The following CSMD3 variants were observed in gnomAD, a reference collection of about 807,000 sequenced individuals.
The protein encoded by CSMD3 is CUB and Sushi multiple domains 3.
CSMD3 carries 177 observed loss-of-function variants against 435.2 expected under a neutral mutation model. The ratio of observed to expected loss-of-function variants is 0.41; its 90% CI spans 0.36 to 0.46. CSMD3 has a LOEUF of 0.46. Among genes scored for constraint, CSMD3 ranks in the 20% least tolerant of loss-of-function variants. The probability of loss-of-function intolerance (pLI) is 0.34; values close to 1 mark genes in which losing one functional copy is unlikely to be tolerated. For synonymous variants in CSMD3, 1,656 were observed against 1,520.5 expected (o/e 1.09, Z -2.07); for missense variants, 4,265 against 4,504.6 (o/e 0.95, Z 1.52).
chr8:112,820,780 G>A (rs1348610938), intron 12 of CSMD3, among the ~76,000 whole-genome samples: 5 of 151,854 alleles, frequency 3.3e-5, no homozygotes, highest in Non-Finnish European at 5.9e-5. Flanking sequence ...TATGCATTTA[G>A]CTATTTGTCC....
chr8:113,092,025 A>T (rs1337842235), intron 5 of CSMD3, among the ~76,000 whole-genome samples: 7 of 152,026 alleles, frequency 4.6e-5, no homozygotes, highest in Non-Finnish European at 8.8e-5. Context: ...AATAAAGATC[A>T]TACACTCTGT....
intron 4 of CSMD3, among the ~76,000 whole-genome samples, chr8:113,169,507 C>G (rs2092227714): frequency 6.6e-6 from 1 of 152,224 alleles, no homozygotes; most frequent in Admixed American, 6.5e-5. Flanking sequence ...CACAAATATA[C>G]TCAAATCATC....
intron 4 of CSMD3, among the ~76,000 whole-genome samples, chr8:113,121,043 T>C (rs1256583288): frequency 1.3e-5 from 2 of 152,138 alleles, no homozygotes; most frequent in African/African-American, 4.8e-5. Flanking sequence ...TTCAGTGATG[T>C]CCGTGGGCTC....
chr8:112,936,349 T>C (rs1173584778), intron 9 of CSMD3, among the ~76,000 whole-genome samples: 1 of 152,106 alleles, frequency 6.6e-6, no homozygotes, highest in East Asian at 1.9e-4. Context: ...AAAATCATAT[T>C]GCTTCTTCAC....
chr8:112,657,735 T>C (rs900508313), intron 17 of CSMD3, among the ~76,000 whole-genome samples: 1 of 152,186 alleles, frequency 6.6e-6, no homozygotes, highest in African/African-American at 2.4e-5. Flanking sequence ...AAAATTCTTT[T>C]CCTTGCTTTA....
At chr8:112,967,071 A>C (rs2084446423) in intron 7 of CSMD3, among the ~76,000 whole-genome samples, 1 of 151,984 alleles carries the variant, frequency 6.6e-6, no homozygotes, top group Non-Finnish European at 1.5e-5. Flanking sequence ...GAAATCTCAG[A>C]TCCAACTCCA....
intron 6 of CSMD3, among the ~76,000 whole-genome samples, chr8:112,983,270 T>C (rs192068154): frequency 4.3e-4 from 66 of 151,968 alleles, no homozygotes; most frequent in African/African-American, 1.5e-3. Context: ...CCTGAATGTA[T>C]CTCTGTTTAT....
At chr8:112,316,445 A>T (rs1822475631) in intron 47 of CSMD3, among the ~76,000 whole-genome samples, 1 of 151,828 alleles carries the variant, frequency 6.6e-6, no homozygotes, top group South Asian at 2.1e-4. Flanking sequence ...AGGCCAAAAA[A>T]AAGTAAGTAT....
At chr8:112,722,676 A>C (rs1039245520) in intron 13 of CSMD3, among the ~76,000 whole-genome samples, 1 of 152,194 alleles carries the variant, frequency 6.6e-6, no homozygotes, top group African/African-American at 2.4e-5. Context: ...AAGAATATGC[A>C]AGTATACTTT....
chr8:113,229,356 G>T lies in CSMD3; in HGVS notation c.514+49236C>A, dbSNP rs1401535132. On this transcript the variant is annotated intron_variant, in intron 3 of 70. Transcript: ENST00000297405. ...TTAATGTTCACATATATTGTGAATT[G>T]TGGTTCTTTTTGAAAGATCAGTCAC... Among the ~76,000 whole-genome samples, 5 of 151,674 alleles carry T rather than the reference G, an allele frequency of 3.3e-5. No individual in the cohort carries two copies. In the East Asian group the frequency reaches 7.8e-4, roughly 24 times the overall value.
intron 10 of CSMD3, among the ~76,000 whole-genome samples, chr8:112,873,511 A>T (rs2081193046): frequency 6.6e-6 from 1 of 152,020 alleles, no homozygotes; most frequent in Admixed American, 6.6e-5. Context: ...CACATATATT[A>T]TATTTTAATT....
Position 113,238,895 on chromosome 8 carries a change from A to T in CSMD3, c.514+39697T>A, listed in dbSNP as rs909144272. 3.3e-5 allele frequency among the ~76,000 whole-genome samples: 5 copies of T among 152,136 alleles called. No homozygotes were observed. The East Asian group carries it at 9.6e-4, about 29-fold the overall frequency. ...TTTGTCAACATGACTGGACCATGGGATTCCAAGATACTTGGTCAAACATTA... is the reference window on the plus strand; with the variant it reads ...TTTGTCAACATGACTGGACCATGGGTTTCCAAGATACTTGGTCAAACATTA... On this transcript the variant is annotated intron_variant, in intron 3 of 70. Coordinates refer to ENST00000297405, the MANE Select transcript of CSMD3 (RefSeq NM_198123.2).
intron 7 of CSMD3, among the ~76,000 whole-genome samples, chr8:112,958,025 A>G (rs1008528863): frequency 6.6e-6 from 1 of 151,272 alleles, no homozygotes; most frequent in Non-Finnish European, 1.5e-5. Context: ...TCGTATTTGT[A>G]TGAGTGTATG....
intron 31 of CSMD3, among the ~76,000 whole-genome samples, chr8:112,486,208 C>T (rs1227238958): frequency 6.6e-6 from 1 of 151,478 alleles, no homozygotes; most frequent in Non-Finnish European, 1.5e-5. Context: ...TAGTGCCATA[C>T]ATCATTTGTA....
chr8:113,278,372 A>G (rs925429678), intron 3 of CSMD3, among the ~76,000 whole-genome samples: 1 of 151,770 alleles, frequency 6.6e-6, no homozygotes, highest in Admixed American at 6.6e-5. Context: ...TTAATTCGTA[A>G]CCCTGTAGCA....
chr8:112,370,494 A>G (rs1330068266), intron 38 of CSMD3, among the ~76,000 whole-genome samples: 2 of 152,060 alleles, frequency 1.3e-5, no homozygotes, highest in Non-Finnish European at 2.9e-5. Context: ...AGCCCCACTT[A>G]CTTTTCCTCT....
intron 16 of CSMD3, among the ~76,000 whole-genome samples, chr8:112,673,079 G>A (rs2075694147): frequency 6.6e-6 from 1 of 151,884 alleles, no homozygotes; most frequent in African/African-American, 2.4e-5. Flanking sequence ...TGTAGCATTT[G>A]GTCTGATAAA....
intron 9 of CSMD3, among the ~76,000 whole-genome samples, chr8:112,924,194 T>C (rs2130652244): frequency 6.6e-6 from 1 of 152,218 alleles, no homozygotes; most frequent in East Asian, 1.9e-4. Flanking sequence ...ATGAACTCAT[T>C]GGTTTCTGAG....
chr8:112,812,535 T>C (rs1054478589), intron 12 of CSMD3, among the ~76,000 whole-genome samples: 4 of 152,150 alleles, frequency 2.6e-5, no homozygotes, highest in Admixed American at 2.6e-4. Flanking sequence ...TTCCTTTCAT[T>C]CCTGCCCTTA....
Sources: allele counts gnomAD v4.1 joint callset (sites outside exome capture counted in the v4.1 genomes callset), GRCh38; gene constraint gnomAD v4.1.1; transcripts MANE v1.5; gene names NCBI Gene and HGNC (gene_info 2026-07-23, HGNC 2026-07-21).